TMEM30A: variants seen among roughly 807,000 people sequenced by gnomAD.
TMEM30A encodes the protein cell division cycle 50 P4-ATPase accessory subunit A.
In TMEM30A, 24 loss-of-function variants were observed where a neutral mutation model predicts 38.2. The ratio of observed to expected loss-of-function variants is 0.63; its 90% confidence interval spans 0.46 to 0.88. The LOEUF (loss-of-function observed/expected upper bound fraction) is 0.88. Among genes scored for constraint, TMEM30A ranks in the 40% least tolerant of loss-of-function variants. TMEM30A has a pLI of 0.00. For synonymous variants in TMEM30A, 145 were observed against 161.6 expected (o/e 0.90, Z 0.78); for missense variants, 370 against 458.6 (o/e 0.81, Z 1.77).
chr6:75,282,248 T>C (rs1406524928), intron 1 of TMEM30A, among the ~76,000 whole-genome samples: 1 of 152,176 alleles, frequency 6.6e-6, no homozygotes, highest in East Asian at 1.9e-4. Context: ...CTTAATTCCC[T>C]GACTCTTCAG....
intron 1 of TMEM30A, among the ~76,000 whole-genome samples, chr6:75,277,982 G>A (rs568199858): frequency 6.6e-6 from 1 of 152,018 alleles, no homozygotes; most frequent in Non-Finnish European, 1.5e-5. Flanking sequence ...TTTATATGCT[G>A]AACAGAGATG....
chr6:75,277,871 C>A (rs796810144), intron 1 of TMEM30A, among the ~76,000 whole-genome samples: 11 of 152,044 alleles, frequency 7.2e-5, no homozygotes, highest in African/African-American at 2.7e-4. Flanking sequence ...TGTACCACTG[C>A]AATGAAGCCC....
intron 1 of TMEM30A, among the ~76,000 whole-genome samples, chr6:75,277,649 A>G (rs142835182): frequency 1.3e-5 from 2 of 152,234 alleles, no homozygotes; most frequent in East Asian, 3.9e-4. Context: ...CAATGCTTGT[A>G]ATCCCAACAC....
chr6:75,275,602 C>A lies in TMEM30A; in HGVS notation c.238-7854G>T, dbSNP rs576112536. 2.6e-5 allele frequency among the ~76,000 whole-genome samples: 4 copies of A among 152,284 alleles called. No individual in the cohort carries two copies. The South Asian group carries it at 8.3e-4, about 32-fold the overall frequency. ...TCTTTGATTCTTCACTTTTCTCTTA[C>A]ACCCCATATATCAATTGCATGAGAA... On this transcript the variant is annotated intron_variant, in intron 1 of 6. Coordinates refer to ENST00000230461, the MANE Select transcript of TMEM30A (RefSeq NM_018247.4).
At position 75,274,936 on chromosome 6, in the gene TMEM30A, G is replaced by A. The variant is rs538835021; in HGVS notation, c.238-7188C>T. On this transcript the variant is annotated intron_variant, in intron 1 of 6. Transcript: ENST00000230461. ...TGAGGCAGGAGAACGGCATGAACCT[G>A]GGAGGCGGAGCTTGCAGTAAGCCAA... Among the ~76,000 whole-genome samples the A allele has an allele frequency of 2.7e-4, 41 of 151,562 alleles. No homozygotes were observed. The East Asian group carries it at 8.0e-3, about 29-fold the overall frequency.
At chr6:75,267,543 T>G (rs777223911) in intron 2 of TMEM30A, 98 bp downstream of exon 2, 9 of 781,542 alleles carry the variant, frequency 1.2e-5, no homozygotes, top group Non-Finnish European at 1.7e-5. Context: ...TTATACAGAC[T>G]TCTCTATAAA....
In TMEM30A at chr6:75,254,236, T is replaced by G. The variant is rs538593797; in HGVS notation, c.*1866A>C. 12 of 152,096 alleles carry G rather than the reference T, an allele frequency of 7.9e-5. No homozygotes were observed. In the South Asian group the frequency reaches 2.5e-3, roughly 32 times the overall value. The allele number at this position is 152,096 out of a possible 1,614,324, so 9.4% of individuals were successfully genotyped here. On this transcript the variant is annotated 3_prime_UTR_variant, in exon 7 of 7. Coordinates refer to ENST00000230461, the MANE Select transcript of TMEM30A (RefSeq NM_018247.4). ...TTTAGCGACATCCTCTGTGCCCCAG[T>G]TAGAAAAAGAGTTGCAGGATGGTAG...
intron 3 of TMEM30A, among the ~76,000 whole-genome samples, chr6:75,264,507 G>A (rs1363097575): frequency 1.3e-5 from 2 of 151,920 alleles, no homozygotes; most frequent in African/African-American, 4.8e-5. Context: ...TTGGTGATGC[G>A]CACCTGTAAT....
In TMEM30A at chr6:75,255,887, G is replaced by T; in HGVS notation, c.*215C>A. The T allele has an allele frequency of 2.3e-6, 1 of 443,964 alleles. No individual in the cohort carries two copies. Among genetic ancestry groups the T allele is most frequent in the East Asian group, 3.5e-5 (1 of 28,222 alleles). 27.5% of individuals were successfully genotyped at this position (443,964 alleles called of 1,614,324 possible). Reference sequence around the variant, plus strand: ...AGAATGCCATTTCAGCAGTTACAGTGTTGATATGATCAATATAGCTAATTT... The same window carrying T: ...AGAATGCCATTTCAGCAGTTACAGTTTTGATATGATCAATATAGCTAATTT... On this transcript the variant is annotated 3_prime_UTR_variant, in exon 7 of 7. Transcript: ENST00000230461.
chr6:75,265,022 G>C (rs913156690), intron 3 of TMEM30A, among the ~76,000 whole-genome samples: 3 of 151,752 alleles, frequency 2.0e-5, no homozygotes, highest in Admixed American at 1.3e-4. Context: ...GCTTGAACCT[G>C]GGGGGTGGAG....
intron 1 of TMEM30A, among the ~76,000 whole-genome samples, chr6:75,275,252 T>C (rs1255579329): frequency 6.6e-6 from 1 of 152,196 alleles, no homozygotes; most frequent in East Asian, 1.9e-4. Context: ...TAAATCACTC[T>C]TATGATTTCA....
chr6:75,283,651 T>C (rs769630839), intron 1 of TMEM30A, among the ~76,000 whole-genome samples: 2 of 150,502 alleles, frequency 1.3e-5, no homozygotes, highest in Admixed American at 6.6e-5. Flanking sequence ...TGGCTCTTTT[T>C]GTAAAAAAAA....
chr6:75,271,934 G>T (rs912922281), intron 1 of TMEM30A, among the ~76,000 whole-genome samples: 29 of 152,140 alleles, frequency 1.9e-4, no homozygotes, highest in African/African-American at 6.8e-4. Context: ...AAGCAGCAAA[G>T]ATTTGAACAG....
At chr6:75,271,970 G>C (rs1379686463) in intron 1 of TMEM30A, among the ~76,000 whole-genome samples, 1 of 152,172 alleles carries the variant, frequency 6.6e-6, no homozygotes, top group Non-Finnish European at 1.5e-5. Flanking sequence ...ATGGAAAAGA[G>C]AGAAAGAGGT....
At position 75,284,593 on chromosome 6, in the gene TMEM30A, G is replaced by A; in HGVS notation, c.46C>T (p.Pro16Ser). Residue 16 changes from proline (P) to serine (S), a missense_variant, in exon 1 of 7, where the codon CCG becomes TCG. Pro to Ser is a moderately conservative substitution (Grantham distance 74). Transcript: ENST00000230461. ...NAKDEVDGGP[P>S]CAPGGTAKTR... ...TTCGCGGTGCCCCCCGGAGCACACG[G>A]GGGCCCACCGTCCACTTCATCCTTC... The A allele has an allele frequency of 3.7e-6, 6 of 1,613,806 alleles. No individual in the cohort carries two copies. The highest frequency in any genetic ancestry group is 1.7e-5 in the Admixed American group (1 of 60,018).
rs1278378206 is a variant in TMEM30A, at chr6:75,284,413, G to T, written c.226C>A (p.Arg76Ser). ...IGIFVTSNNI[R>S]EIEIDYTGTE... ...CTCCCTCCCCTCACCTCGATCTCGC[G>T]GATGTTGTTGGAGGTGACAAAAATG... is the stretch of plus-strand genomic sequence containing the variant. The change falls in exon 1 of 7, where the codon CGC (arginine) becomes AGC (serine). Residue 76 changes from arginine (R) to serine (S), a missense_variant. Coordinates refer to ENST00000230461, the MANE Select transcript of TMEM30A (RefSeq NM_018247.4). 6.2e-7 allele frequency: 1 copy of T among 1,614,106 alleles called. No individual in the cohort carries two copies. Among genetic ancestry groups the T allele is most frequent in the South Asian group, 1.1e-5 (1 of 91,082 alleles).
At chr6:75,268,632 C>G (rs1167248224) in intron 1 of TMEM30A, among the ~76,000 whole-genome samples, 1 of 152,194 alleles carries the variant, frequency 6.6e-6, no homozygotes, top group Admixed American at 6.5e-5. Flanking sequence ...CTATATGTGT[C>G]TTCTAGGACC....
intron 6 of TMEM30A, among the ~76,000 whole-genome samples, chr6:75,257,686 A>G (rs1357731553): frequency 6.6e-6 from 1 of 152,200 alleles, no homozygotes; most frequent in Non-Finnish European, 1.5e-5. Flanking sequence ...TTAGCCTGCC[A>G]TAGCAGGCCA....
rs960916018 is a variant in TMEM30A at position 75,253,652 on chromosome 6, C to T, written c.*2450G>A. ...TTTTATTAACATAGGACATACTAAC[C>T]AAATATTATCATTTAATAAAATCAA... On this transcript the variant is annotated 3_prime_UTR_variant, in exon 7 of 7. Coordinates refer to ENST00000230461, the MANE Select transcript of TMEM30A (RefSeq NM_018247.4). 2.6e-5 allele frequency: 4 copies of T among 152,374 alleles called. No homozygotes were observed. Among genetic ancestry groups the T allele is most frequent in the African/African-American group, 7.2e-5 (3 of 41,380 alleles). 9.4% of individuals were successfully genotyped at this position (152,374 alleles called of 1,614,324 possible).
Sources: gnomAD v4.1 joint callset for allele counts (sites outside exome capture counted in the v4.1 genomes callset) on GRCh38, gnomAD v4.1.1 for gene constraint, MANE v1.5 for transcripts, NCBI Gene and HGNC (gene_info 2026-07-23, HGNC 2026-07-21) for gene names.